The following TRPM3 variants were observed in gnomAD, a reference collection of about 807,000 sequenced individuals.
TRPM3 encodes the protein transient receptor potential cation channel subfamily M member 3.
In TRPM3, 77 loss-of-function variants were observed where a neutral mutation model predicts 181.2. That is an observed-to-expected ratio of 0.42 (90% CI 0.35 to 0.51). The LOEUF is 0.51. Among genes scored for constraint, TRPM3 ranks in the 20% least tolerant of loss-of-function variants. The pLI, the probability that TRPM3 is intolerant of heterozygous loss-of-function variation, is 0.01. For synonymous variants in TRPM3, 745 were observed against 796.4 expected, an observed-to-expected ratio of 0.94 and a Z score of 1.09; for missense variants, 1,759 against 2,196.7, an observed-to-expected ratio of 0.80 and a Z score of 3.98.
At chr9:70,969,705 T>C (rs2097219316) in intron 1 of TRPM3, among the ~76,000 whole-genome samples, 1 of 148,764 alleles carries the variant, frequency 6.7e-6, no homozygotes, top group African/African-American at 2.5e-5. Context: ...CATCTGTAAA[T>C]AGCATAATAA....
rs919972464 is a variant in TRPM3, at chr9:71,361,723, C to T, written c.183+84930G>A. ...GTGTTAATAATGGCTTTTATTGTCT[C>T]CAGTGCCTATGAATTATTCTGTATG... On this transcript the variant is annotated intron_variant, in intron 1 of 24. Coordinates refer to the TRPM3 transcript ENST00000357533. Among the ~76,000 whole-genome samples the T allele has an allele frequency of 5.9e-5, 9 of 152,116 alleles. No homozygotes were observed. In the East Asian group the frequency reaches 1.2e-3, roughly 20 times the overall value.
chr9:70,752,876 G>A (rs1387922500), intron 8 of TRPM3, among the ~76,000 whole-genome samples: 1 of 152,118 alleles, frequency 6.6e-6, no homozygotes, highest in African/African-American at 2.4e-5. Flanking sequence ...TTGGCAGGCC[G>A]AGGTGGGCAG....
At chr9:70,680,019 G>A (rs866106191) in intron 9 of TRPM3, among the ~76,000 whole-genome samples, 1 of 152,102 alleles carries the variant, frequency 6.6e-6, no homozygotes, top group Non-Finnish European at 1.5e-5. Context: ...TTCTCAAGCT[G>A]GACACATGAT....
chr9:70,587,984 C>T (rs2132475320), intron 22 of TRPM3, among the ~76,000 whole-genome samples: 1 of 152,314 alleles, frequency 6.6e-6, no homozygotes, highest in Non-Finnish European at 1.5e-5. Context: ...CTTCCAATCA[C>T]ATTCTCTCAC....
chr9:70,597,774 C>T (rs1358781899), intron 21 of TRPM3, among the ~76,000 whole-genome samples: 1 of 152,184 alleles, frequency 6.6e-6, no homozygotes, highest in African/African-American at 2.4e-5. Flanking sequence ...CATCATTTTC[C>T]AGTAGTGTAA....
chr9:70,808,079 A>T (rs1233343650), intron 6 of TRPM3, among the ~76,000 whole-genome samples: 1 of 152,218 alleles, frequency 6.6e-6, no homozygotes, highest in Non-Finnish European at 1.5e-5. Context: ...TGTTAGGAGA[A>T]GCTATAAAAA....
chr9:70,658,425 T>C (rs1425101324), intron 9 of TRPM3, among the ~76,000 whole-genome samples: 2 of 152,180 alleles, frequency 1.3e-5, no homozygotes, highest in African/African-American at 4.8e-5. Flanking sequence ...GCTTATTTGG[T>C]ATAAAAATTA....
At chr9:71,035,054 G>C (rs1425496313) in intron 1 of TRPM3, among the ~76,000 whole-genome samples, 1 of 151,924 alleles carries the variant, frequency 6.6e-6, no homozygotes, top group East Asian at 1.9e-4. Flanking sequence ...CCATCCTGTT[G>C]GAAATTCCAG....
At chr9:71,210,983 T>C (rs35090567) in intron 1 of TRPM3, among the ~76,000 whole-genome samples, 6,794 of 152,304 alleles carry the variant, frequency 0.045, 179 homozygotes, top group East Asian at 0.12. Context: ...CTCCACCCTA[T>C]GACCTCTTTT....
chr9:70,803,246 G>A (rs1166025550), intron 6 of TRPM3, among the ~76,000 whole-genome samples: 1 of 151,844 alleles, frequency 6.6e-6, no homozygotes, highest in Admixed American at 6.6e-5. Flanking sequence ...TACTTGGCCC[G>A]TCAGTAGCAT....
chr9:71,170,800 G>C (rs768493851), intron 1 of TRPM3, among the ~76,000 whole-genome samples: 19 of 152,128 alleles, frequency 1.2e-4, no homozygotes, highest in Non-Finnish European at 1.2e-4. Flanking sequence ...CAGCATGTGT[G>C]TTTGAGCAAT....
chr9:71,382,776 G>C (rs2092833771), intron 1 of TRPM3, among the ~76,000 whole-genome samples: 1 of 150,984 alleles, frequency 6.6e-6, no homozygotes, highest in African/African-American at 2.4e-5. Context: ...TAAATGATTA[G>C]CTCTTGAAGG....
chr9:71,025,318 C>T (rs963984816), intron 1 of TRPM3, among the ~76,000 whole-genome samples: 8 of 152,128 alleles, frequency 5.3e-5, no homozygotes, highest in Non-Finnish European at 7.3e-5. Context: ...TCTGCTTCTC[C>T]GAGTGGTGCA....
At chr9:71,148,752 A>T (rs12683175) in intron 1 of TRPM3, among the ~76,000 whole-genome samples, 2,053 of 152,326 alleles carry the variant, frequency 0.013, 29 homozygotes, top group East Asian at 0.069. Flanking sequence ...CTTGAAAGTC[A>T]TAGGGTGAAT....
chr9:71,095,758 C>CAAAAAAAAAAAAAAA (rs34934062), intron 1 of TRPM3, among the ~76,000 whole-genome samples: 1 of 85,274 alleles, frequency 1.2e-5, no homozygotes, highest in African/African-American at 4.3e-5. Flanking sequence ...GACTCTGTGT[C>CAAAAAAAAAAAAAAA]AAAAAAAAAA....
intron 1 of TRPM3, among the ~76,000 whole-genome samples, chr9:71,254,027 C>A (rs1588147027): frequency 6.6e-6 from 1 of 152,170 alleles, no homozygotes; most frequent in Non-Finnish European, 1.5e-5. Flanking sequence ...TCAAATGATT[C>A]TCCTGCCTCA....
chr9:70,825,724 C>G (rs1250923530), intron 6 of TRPM3: 2 of 152,406 alleles, frequency 1.3e-5, no homozygotes, highest in Non-Finnish European at 2.9e-5. Flanking sequence ...CCTGGACTTC[C>G]CCTGCAGTGC....
In TRPM3 at chr9:70,536,533, G is replaced by T; in HGVS notation, c.4580C>A (p.Ala1527Asp). The change falls in exon 26 of 26, where the codon GCT becomes GAT. Residue 1527 changes from alanine (A) to aspartate (D), a missense_variant. Ala to Asp is a moderately radical substitution (Grantham distance 126). Around this residue, in one of 8 missense-constraint regions of TRPM3, gnomAD observed 612 missense variants for 590.0 expected, o/e 1.04. Coordinates refer to ENST00000677713, the MANE Select transcript of TRPM3 (RefSeq NM_001366145.2). ...AAAGCTATGAGATTTCACAATGGGA[G>T]CCTCTTCTAGAAGAAAGGGTGTGGT... ...LATTPFLLEE[A>D]PIVKSHSFMF... 6.2e-7 allele frequency: 1 copy of T among 1,614,166 alleles called. No homozygotes were observed. Among genetic ancestry groups the T allele is most frequent in the Non-Finnish European group, 8.5e-7 (1 of 1,180,034 alleles).
At chr9:71,041,313 T>TAA (rs1220033501) in intron 1 of TRPM3, among the ~76,000 whole-genome samples, 1 of 152,154 alleles carries the variant, frequency 6.6e-6, no homozygotes, top group African/African-American at 2.4e-5. Context: ...TGATTCTTTA[T>TAA]AATATTTTGC....
Sources: gnomAD v4.1 joint callset for allele counts (sites outside exome capture counted in the v4.1 genomes callset) on GRCh38, gnomAD v4.1.1 for gene constraint, gnomAD v4.1.1 regional missense constraint, MANE v1.5 for transcripts, NCBI Gene and HGNC (gene_info 2026-07-23, HGNC 2026-07-21) for gene names.